The following TMEM132C variants were observed in gnomAD, a reference collection of about 807,000 sequenced individuals.
TMEM132C encodes transmembrane protein 132C.
TMEM132C carries 29 observed loss-of-function variants against 61.4 expected under a neutral mutation model. The ratio of observed to expected loss-of-function variants is 0.47; its 90% CI spans 0.35 to 0.64. TMEM132C has a LOEUF of 0.64. Among genes scored for constraint, TMEM132C ranks in the 30% least tolerant of loss-of-function variants. The probability of loss-of-function intolerance (pLI) is 0.00; values close to 1 mark genes in which losing one functional copy is unlikely to be tolerated. For synonymous variants in TMEM132C, 656 were observed against 633.1 expected, an observed-to-expected ratio of 1.04 and a Z score of -0.54; for missense variants, 1,408 against 1,476.9, an observed-to-expected ratio of 0.95 and a Z score of 0.76.
At chr12:128,447,296 G>A (rs1188426450) in intron 2 of TMEM132C, among the ~76,000 whole-genome samples, 5 of 152,256 alleles carry the variant, frequency 3.3e-5, no homozygotes, top group South Asian at 2.1e-4. Flanking sequence ...GAAAGAATAC[G>A]GCTCTTTCCA....
intron 1 of TMEM132C, among the ~76,000 whole-genome samples, chr12:128,344,942 T>TA (rs71069560): frequency 7.6e-5 from 11 of 145,376 alleles, no homozygotes; most frequent in African/African-American, 2.3e-4. Context: ...TTTTTTTTTT[T>TA]AAATTTCCAG....
intron 1 of TMEM132C, among the ~76,000 whole-genome samples, chr12:128,390,810 G>A (rs571451866): frequency 6.6e-6 from 1 of 152,312 alleles, no homozygotes; most frequent in African/African-American, 2.4e-5. Flanking sequence ...CTGTGGCGCT[G>A]TCCAGGTGAT....
intron 4 of TMEM132C, among the ~76,000 whole-genome samples, chr12:128,627,485 TGTCTCTATCTCATTTTACCCTTGA>T (rs1033600725): frequency 7.2e-5 from 11 of 152,254 alleles, no homozygotes; most frequent in Admixed American, 3.9e-4. Flanking sequence ...GCTGGGATTT[TGTCTCTATCTCATTTTACCCTTGA>T]GTCTCTTGCC....
In TMEM132C at chr12:128,466,043, C is replaced by CA. The variant is rs374265089; in HGVS notation, c.974+50430dup. On this transcript the variant is annotated intron_variant, in intron 2 of 8. Transcript: ENST00000435159. The stretch of plus-strand genomic sequence containing the variant: ...ATTTTTGAAAAATCAAAATTAATGC[C>CA]AAAAAAACCCATATAGAACCATATA... Among the ~76,000 whole-genome samples, 11 of 151,876 alleles carry CA rather than the reference C, an allele frequency of 7.2e-5. No individual in the cohort carries two copies. In the East Asian group the frequency reaches 1.4e-3, roughly 19 times the overall value.
intron 2 of TMEM132C, among the ~76,000 whole-genome samples, chr12:128,512,816 T>A (rs970668986): frequency 6.6e-6 from 1 of 152,132 alleles, no homozygotes; most frequent in Non-Finnish European, 1.5e-5. Flanking sequence ...TGGTGCAACT[T>A]TTGGATTTCC....
intron 2 of TMEM132C, among the ~76,000 whole-genome samples, chr12:128,522,694 C>A (rs1872948137): frequency 6.6e-6 from 1 of 152,128 alleles, no homozygotes; most frequent in African/African-American, 2.4e-5. Context: ...TGATTTGTTT[C>A]ATGTCTATCC....
chr12:128,420,491 C>T (rs1868950591), intron 2 of TMEM132C, among the ~76,000 whole-genome samples: 1 of 152,098 alleles, frequency 6.6e-6, no homozygotes, highest in Admixed American at 6.5e-5. Context: ...CAGAGGGGAG[C>T]TGGGATTCAC....
chr12:128,288,754 T>A (rs1871156619), intron 1 of TMEM132C: 1 of 152,266 alleles, frequency 6.6e-6, no homozygotes, highest in Non-Finnish European at 1.5e-5. Context: ...TGGCACATGC[T>A]GTTGTACCTG....
chr12:128,671,359 G>C (rs906082098), intron 5 of TMEM132C, among the ~76,000 whole-genome samples: 1 of 152,134 alleles, frequency 6.6e-6, no homozygotes, highest in Non-Finnish European at 1.5e-5. Context: ...ACACCACAAT[G>C]CTTGCTTAAA....
At chr12:128,381,437 C>T (rs886974545) in intron 1 of TMEM132C, among the ~76,000 whole-genome samples, 9 of 152,182 alleles carry the variant, frequency 5.9e-5, no homozygotes, top group Admixed American at 2.0e-4. Flanking sequence ...CCCTGGGAGC[C>T]GGTCTTCAGG....
chr12:128,467,403 G>T (rs77560259), intron 2 of TMEM132C, among the ~76,000 whole-genome samples: 4,192 of 152,234 alleles, frequency 0.028, 191 homozygotes, highest in African/African-American at 0.093. Context: ...TGATGATAAT[G>T]GCTGGGCTGT....
At chr12:128,687,285 G>A (rs568092413) in intron 5 of TMEM132C, among the ~76,000 whole-genome samples, 4 of 151,962 alleles carry the variant, frequency 2.6e-5, no homozygotes, top group South Asian at 4.2e-4. Flanking sequence ...TCTCAGCCTC[G>A]GTGCTATTGA....
rs761238436 is a variant in TMEM132C, at chr12:128,693,784, G to A, written c.1450-45G>A. 4.5e-6 allele frequency: 7 copies of A among 1,544,074 alleles called. No homozygotes were observed. The African/African-American group carries it at 8.2e-5, about 18-fold the overall frequency. On this transcript the variant is annotated intron_variant, in intron 5 of 8. Coordinates refer to ENST00000435159, the MANE Select transcript of TMEM132C (RefSeq NM_001136103.3). ...AAACAAAAAAAGGATTGTCTCCAAG[G>A]CTCCATGAACTTCTCCTCCATCCTT...
At chr12:128,336,419 T>A (rs976548108) in intron 1 of TMEM132C, among the ~76,000 whole-genome samples, 1 of 152,166 alleles carries the variant, frequency 6.6e-6, no homozygotes, top group Non-Finnish European at 1.5e-5. Flanking sequence ...TAACAGAATG[T>A]CTCTAGTTAA....
chr12:128,508,778 G>A (rs370763155), intron 2 of TMEM132C, among the ~76,000 whole-genome samples: 7 of 152,112 alleles, frequency 4.6e-5, no homozygotes, highest in African/African-American at 9.7e-5. Context: ...GTTGACACCC[G>A]TGCTCCCTCC....
At chr12:128,313,602 G>T (rs9804832) in intron 1 of TMEM132C, among the ~76,000 whole-genome samples, 1,591 of 152,130 alleles carry the variant, frequency 0.01, 29 homozygotes, top group African/African-American at 0.036. Flanking sequence ...TTTTCTCCAA[G>T]GTCCTGCAGG....
At chr12:128,453,737 G>C (rs1299361911) in intron 2 of TMEM132C, among the ~76,000 whole-genome samples, 2 of 152,334 alleles carry the variant, frequency 1.3e-5, no homozygotes, top group East Asian at 3.9e-4. Flanking sequence ...ACTCTGGCTG[G>C]TTGTGTGTGT....
Position 128,360,053 on chromosome 12 carries a change from A to G in TMEM132C, c.86-54679A>G, listed in dbSNP as rs1387840296. Among the ~76,000 whole-genome samples, 9 of 152,178 alleles carry G rather than the reference A, an allele frequency of 5.9e-5. 1 individual carries two copies. Among genetic ancestry groups the G allele is most frequent in the Admixed American group, 5.9e-4 (9 of 15,284 alleles). The stretch of plus-strand genomic sequence containing the variant: ...TGGTGGGTTTGGAGGTTGTGCCTGC[A>G]TTTTGTTCCACAGGTATTTATTGTT... On this transcript the variant is annotated intron_variant, in intron 1 of 8. Coordinates refer to ENST00000435159, the MANE Select transcript of TMEM132C (RefSeq NM_001136103.3).
Position 128,456,157 on chromosome 12 carries a change from G to A in TMEM132C, c.974+40537G>A, listed in dbSNP as rs141009745. On this transcript the variant is annotated intron_variant, in intron 2 of 8. Coordinates refer to ENST00000435159, the MANE Select transcript of TMEM132C (RefSeq NM_001136103.3). ...GGGAGAATGGCAGCCTACACACCAC[G>A]TGGGCTCTTTCAGGAACCAACTCTC... Among the ~76,000 whole-genome samples the A allele has an allele frequency of 2.0e-3, 304 of 152,052 alleles. 1 individual carries two copies. The highest frequency in any genetic ancestry group is 0.01 in the Middle Eastern group (3 of 292).
Sources: gnomAD v4.1 joint callset for allele counts (sites outside exome capture counted in the v4.1 genomes callset) on GRCh38, gnomAD v4.1.1 for gene constraint, MANE v1.5 for transcripts, NCBI Gene and HGNC (gene_info 2026-07-23, HGNC 2026-07-21) for gene names.